Variants in NIM1K observed in about 807,000 individuals in gnomAD.
NIM1K encodes the protein serine/threonine-protein kinase NIM1.
In NIM1K, 35 loss-of-function variants were observed where a neutral mutation model predicts 37.1. The observed-to-expected ratio is 0.94, with a 90% CI of 0.72 to 1.25. NIM1K has a LOEUF of 1.25. NIM1K is among the 50% of genes most tolerant of loss of function. The pLI is 0.00. For missense variants in NIM1K, 564 were observed against 548.0 expected (o/e 1.03, Z -0.29); for synonymous variants, 234 against 206.6 (o/e 1.13, Z -1.14).
intron 1 of NIM1K, among the ~76,000 whole-genome samples, chr5:43,223,561 A>T (rs775135619): frequency 6.6e-6 from 1 of 152,232 alleles, no homozygotes; most frequent in Non-Finnish European, 1.5e-5. Context: ...ACAGCCATGT[A>T]CGTACATATC....
rs1561074913 is a variant in NIM1K, at chr5:43,213,217, CTTTCT to C, written c.-695+20809_-695+20813del. On this transcript the variant is annotated intron_variant, in intron 1 of 3. Coordinates refer to ENST00000326035, the MANE Select transcript of NIM1K (RefSeq NM_153361.4). Reference sequence around the variant, plus strand: ...TCTTTCTTTCTTTCTTTCTTTCTTTCTTTCTTTCCTTCTTTTCTTCCTTTCTTTCT... The same window carrying C: ...TCTTTCTTTCTTTCTTTCTTTCTTTCTTCCTTCTTTTCTTCCTTTCTTTCT... Among the ~76,000 whole-genome samples, 172 of 45,354 alleles carry C rather than the reference CTTTCT, an allele frequency of 3.8e-3. 2 individuals carry two copies. Among genetic ancestry groups the C allele is most frequent in the African/African-American group, 0.012 (155 of 13,348 alleles). 29.8% of individuals were successfully genotyped at this position (45,354 alleles called of 152,430 possible).
At chr5:43,261,584 C>A (rs1753031379) in intron 2 of NIM1K, among the ~76,000 whole-genome samples, 1 of 151,954 alleles carries the variant, frequency 6.6e-6, no homozygotes, top group Admixed American at 6.6e-5. Context: ...ATGGTAGTTT[C>A]TTTTGCTGTG....
At chr5:43,223,262 T>C (rs2112233034) in intron 1 of NIM1K, among the ~76,000 whole-genome samples, 1 of 152,208 alleles carries the variant, frequency 6.6e-6, no homozygotes, top group Admixed American at 6.5e-5. Context: ...GAATCCCAGC[T>C]GGGGAGAGTC....
rs1274332291 is a variant in NIM1K, at chr5:43,207,602, T to C, written c.-695+15191T>C. On this transcript the variant is annotated intron_variant, in intron 1 of 3. Coordinates refer to ENST00000326035, the MANE Select transcript of NIM1K (RefSeq NM_153361.4). Reference sequence around the variant, plus strand: ...GAATCTTGACCTCTCAATGAAAGTATTGAAACAGGATGGGAAATACTTTAC... The same window carrying C: ...GAATCTTGACCTCTCAATGAAAGTACTGAAACAGGATGGGAAATACTTTAC... 6 of 661,448 alleles carry C rather than the reference T, an allele frequency of 9.1e-6. No individual in the cohort carries two copies. In the Admixed American group the frequency reaches 1.1e-4, roughly 12 times the overall value. The allele number at this position is 661,448 out of a possible 1,614,324, so 41.0% of individuals were successfully genotyped here.
At chr5:43,227,642 G>A (rs1752479048) in intron 1 of NIM1K, among the ~76,000 whole-genome samples, 1 of 152,160 alleles carries the variant, frequency 6.6e-6, no homozygotes, top group African/African-American at 2.4e-5. Flanking sequence ...AGGGGAGAAA[G>A]GGAATTGGGC....
chr5:43,213,213 C>CTTTCTTTCT lies in NIM1K; in HGVS notation c.-695+20805_-695+20813dup, dbSNP rs1554013579. On this transcript the variant is annotated intron_variant, in intron 1 of 3. Coordinates refer to ENST00000326035, the MANE Select transcript of NIM1K (RefSeq NM_153361.4). ...TCTTTCTTTCTTTCTTTCTTTCTTT[C>CTTTCTTTCT]TTTCTTTCTTTCCTTCTTTTCTTCC... Among the ~76,000 whole-genome samples, 73 of 45,650 alleles carry CTTTCTTTCT rather than the reference C, an allele frequency of 1.6e-3. 5 individuals are homozygous for CTTTCTTTCT. Among genetic ancestry groups the CTTTCTTTCT allele is most frequent in the African/African-American group, 5.5e-3 (68 of 12,442 alleles). The allele number at this position is 45,650 out of a possible 152,430, so 29.9% of individuals were successfully genotyped here.
intron 2 of NIM1K, among the ~76,000 whole-genome samples, chr5:43,270,954 C>T (rs1437569636): frequency 6.6e-6 from 1 of 152,194 alleles, no homozygotes; most frequent in Admixed American, 6.5e-5. Context: ...CTAAATATCT[C>T]CTCCTTTCCT....
intron 1 of NIM1K, among the ~76,000 whole-genome samples, chr5:43,242,490 A>T (rs1186359495): frequency 7.9e-5 from 12 of 151,890 alleles, no homozygotes; most frequent in African/African-American, 2.2e-4. Flanking sequence ...GTTCTGTCAC[A>T]GTTCTCAGGG....
intron 1 of NIM1K, among the ~76,000 whole-genome samples, chr5:43,204,839 T>C (rs1338643351): frequency 6.6e-6 from 1 of 151,628 alleles, no homozygotes; most frequent in Non-Finnish European, 1.5e-5. Context: ...AAATCAAATA[T>C]ACAAAATTTA....
intron 1 of NIM1K, among the ~76,000 whole-genome samples, chr5:43,200,367 C>T (rs1018054739): frequency 6.6e-5 from 10 of 152,154 alleles, no homozygotes; most frequent in African/African-American, 1.7e-4. Flanking sequence ...GTGACGCGAT[C>T]TCGGCTCACT....
chr5:43,228,428 G>C (rs1752491143), intron 1 of NIM1K, among the ~76,000 whole-genome samples: 2 of 152,106 alleles, frequency 1.3e-5, no homozygotes, highest in African/African-American at 4.8e-5. Flanking sequence ...TTACAGGCCT[G>C]AGCCACCGCA....
At chr5:43,253,808 C>T (rs188910907) in intron 2 of NIM1K, among the ~76,000 whole-genome samples, 28 of 152,008 alleles carry the variant, frequency 1.8e-4, no homozygotes, top group East Asian at 1.2e-3. Context: ...TACAGGCACA[C>T]GCCACCATGC....
chr5:43,213,651 G>C (rs977471246), intron 1 of NIM1K, among the ~76,000 whole-genome samples: 6 of 152,056 alleles, frequency 3.9e-5, no homozygotes, highest in Non-Finnish European at 8.8e-5. Context: ...CTGCCACCAC[G>C]CCCGGCTTAT....
chr5:43,266,194 G>A (rs569261706), intron 2 of NIM1K, among the ~76,000 whole-genome samples: 2 of 152,222 alleles, frequency 1.3e-5, no homozygotes, highest in Non-Finnish European at 2.9e-5. Context: ...GCTGCCTTTT[G>A]TTCAGCTATG....
rs568746729 is a variant in NIM1K, at chr5:43,210,979, T to A, written c.-695+18568T>A. ...TGAGGTCGGGAGTTGGAGACCAGCCTGGCTAACATGGTGAAACCCCCATCT... is the reference window on the plus strand; with the variant it reads ...TGAGGTCGGGAGTTGGAGACCAGCCAGGCTAACATGGTGAAACCCCCATCT... On this transcript the variant is annotated intron_variant, in intron 1 of 3. Coordinates refer to ENST00000326035, the MANE Select transcript of NIM1K (RefSeq NM_153361.4). 4.6e-5 allele frequency among the ~76,000 whole-genome samples: 7 copies of A among 152,276 alleles called. No homozygotes were observed. In the East Asian group the frequency reaches 1.4e-3, roughly 29 times the overall value.
chr5:43,199,208 T>A (rs1250827827), intron 1 of NIM1K, among the ~76,000 whole-genome samples: 15,926 of 68,488 alleles, frequency 0.23, 3,745 homozygotes, highest in East Asian at 0.64. Flanking sequence ...AAAAAAAATA[T>A]ATATATATAT....
chr5:43,232,672 A>T (rs747297744), intron 1 of NIM1K: 110 of 1,522,304 alleles, frequency 7.2e-5, no homozygotes, highest in Non-Finnish European at 9.1e-5. Flanking sequence ...GGAGAACTGC[A>T]GCTTGGACTT....
chr5:43,206,314 A>G (rs1429384325), intron 1 of NIM1K, among the ~76,000 whole-genome samples: 5 of 151,884 alleles, frequency 3.3e-5, no homozygotes, highest in Admixed American at 1.3e-4. Flanking sequence ...CCTGTGCAAC[A>G]TATTGAGACC....
intron 1 of NIM1K, among the ~76,000 whole-genome samples, chr5:43,233,970 G>T (rs576793421): frequency 6.6e-6 from 1 of 152,296 alleles, no homozygotes; most frequent in African/African-American, 2.4e-5. Flanking sequence ...TTTTGGAAAT[G>T]AATGATAAAT....
Sources: allele counts gnomAD v4.1 joint callset (sites outside exome capture counted in the v4.1 genomes callset), GRCh38; gene constraint gnomAD v4.1.1; transcripts MANE v1.5; gene names NCBI Gene and HGNC (gene_info 2026-07-23, HGNC 2026-07-21).